The following KLHL36 variants were observed in gnomAD, a reference collection of about 807,000 sequenced individuals.
KLHL36 encodes kelch like family member 36.
A neutral mutation model predicts 53.3 loss-of-function variants in KLHL36; 35 were observed. That is an observed-to-expected ratio of 0.66 (90% confidence interval 0.50 to 0.87). The LOEUF is 0.87. KLHL36 is among the 40% of genes least tolerant of loss of function. The pLI, the probability that KLHL36 is intolerant of heterozygous loss-of-function variation, is 0.00. For missense variants in KLHL36, 864 were observed against 897.6 expected (o/e 0.96, Z 0.48); for synonymous variants, 472 against 398.9 (o/e 1.18, Z -2.18).
intron 2 of KLHL36, among the ~76,000 whole-genome samples, chr16:84,654,800 G>A (rs1428528903): frequency 2.6e-5 from 4 of 152,068 alleles, no homozygotes; most frequent in Non-Finnish European, 1.5e-5. Context: ...ACTAGAGACG[G>A]GGTTTCACCA....
chr16:84,653,840 CAAAAA>C (rs67608719), intron 2 of KLHL36, among the ~76,000 whole-genome samples: 7 of 111,800 alleles, frequency 6.3e-5, no homozygotes, highest in Admixed American at 9.4e-5. Context: ...GCTCTGTATC[CAAAAA>C]AAAAAAAAAA....
In KLHL36 at chr16:84,662,002, A is replaced by G. The variant is rs1360137580; in HGVS notation, c.1720A>G (p.Lys574Glu). 1.9e-6 allele frequency: 3 copies of G among 1,594,098 alleles called. No homozygotes were observed. In the Admixed American group the frequency reaches 5.4e-5, roughly 29 times the overall value. ...GCAGGTGTACGACCGCGAGGCCGAC[A>G]AGTGGAGCAGGGGCGTCGACCTGCC... ...TVQVYDREAD[K>E]WSRGVDLPKA... is the part of the protein sequence containing the mutation. The change falls in exon 5 of 5, where the codon AAG (lysine) becomes GAG (glutamate). Residue 574 changes from lysine (K) to glutamate (E), a missense_variant. Lys to Glu is a moderately conservative substitution (Grantham distance 56). Transcript: ENST00000564996.
Position 84,667,531 on chromosome 16 carries a change from AAC to A in KLHL36, c.*5402_*5403del, listed in dbSNP as rs1041777229. On this transcript the variant is annotated 3_prime_UTR_variant, in exon 5 of 5. Coordinates refer to ENST00000564996, the MANE Select transcript of KLHL36 (RefSeq NM_024731.4). ...TCCATACAGAGTATTCAATTCTTGA[AAC>A]ACATTAAAATAATTTGCTTGCTAGG... 6.6e-6 allele frequency: 1 copy of A among 152,184 alleles called. No individual in the cohort carries two copies. The highest frequency in any genetic ancestry group is 2.4e-5 in the African/African-American group (1 of 41,436). The allele number at this position is 152,184 out of a possible 1,614,324, so 9.4% of individuals were successfully genotyped here. A position where few individuals can be genotyped will look rare whatever the true frequency, so the allele number is the denominator to read the frequency against.
intron 3 of KLHL36, 135 bp downstream of exon 3, chr16:84,658,079 G>C (rs1478670140): frequency 1.4e-6 from 1 of 712,566 alleles, no homozygotes. Context: ...ATAAAGTGAC[G>C]AGCAGAATAC....
Position 84,648,580 on chromosome 16 carries a change from C to G in KLHL36, c.-86C>G, listed in dbSNP as rs1360425857. 2 of 147,452 alleles carry G rather than the reference C, an allele frequency of 1.4e-5. No individual in the cohort carries two copies. The highest frequency in any genetic ancestry group is 4.9e-5 in the African/African-American group (2 of 40,822). The allele number at this position is 147,452 out of a possible 1,614,324, so 9.1% of individuals were successfully genotyped here. The stretch of plus-strand genomic sequence containing the variant: ...TGGCCGGGGGTCTCCTGAACCCGGG[C>G]CCCGCCGCCCCGACCGCCCGGCCCC... On this transcript the variant is annotated 5_prime_UTR_variant, in exon 1 of 5. Coordinates refer to ENST00000564996, the MANE Select transcript of KLHL36 (RefSeq NM_024731.4). This position sits in a 1 kb window ranked among gnomAD's most constrained non-coding sequence, Gnocchi z 4.9.
Position 84,661,626 on chromosome 16 carries a change from C to T in KLHL36, c.1344C>T (p.Ile448=), listed in dbSNP as rs759159933. Reference sequence around the variant, plus strand: ...CCATCTACAAAGACTTCGTGTACATCTCGGGGGGCCACGACTACCAAATTG... The same window carrying T: ...CCATCTACAAAGACTTCGTGTACATTTCGGGGGGCCACGACTACCAAATTG... ...AGTIYKDFVY[I]SGGHDYQIGP... is the part of the protein sequence containing the mutation. Residue 448 remains isoleucine, a synonymous_variant, in exon 5 of 5, where the codon ATC becomes ATT. Coordinates refer to ENST00000564996, the MANE Select transcript of KLHL36 (RefSeq NM_024731.4). The surrounding 1 kb of genome is among the most constrained non-coding windows in gnomAD (Gnocchi z 7.9). 1.9e-6 allele frequency: 3 copies of T among 1,611,930 alleles called. No individual in the cohort carries two copies. The highest frequency in any genetic ancestry group is 2.5e-6 in the Non-Finnish European group (3 of 1,179,178).
chr16:84,664,849 C>T lies in KLHL36; in HGVS notation c.*2716C>T, dbSNP rs1907753574. ...ACCATGCCTGGGCAACATGGCAAAA[C>T]CCCATCTCTACAAAAAAATTACAAA... On this transcript the variant is annotated 3_prime_UTR_variant, in exon 5 of 5. Transcript: ENST00000564996. 1 of 152,170 alleles carries T rather than the reference C, an allele frequency of 6.6e-6. No homozygotes were observed. The highest frequency in any genetic ancestry group is 1.5e-5 in the Non-Finnish European group (1 of 68,046). The allele number at this position is 152,170 out of a possible 1,614,324, so 9.4% of individuals were successfully genotyped here. A position where few individuals can be genotyped will look rare whatever the true frequency, so the allele number is the denominator to read the frequency against.
At position 84,656,988 on chromosome 16, in the gene KLHL36, C is replaced by T. The variant is rs1297825479; in HGVS notation, c.181C>T (p.Arg61Cys). ...CGATGAGCAGCGTGTGCCAGCCCAT[C>T]GCAACCTGCTGGCCGTGTGCAGCGA... ...VADEQRVPAH[R>C]NLLAVCSDYF... The change falls in exon 3 of 5, where the codon CGC becomes TGC. Residue 61 changes from arginine to cysteine, a missense_variant. By Grantham distance (180) the Arg-to-Cys change is radical. Transcript: ENST00000564996. 1.9e-6 allele frequency: 3 copies of T among 1,614,084 alleles called. No homozygotes were observed. The highest frequency in any genetic ancestry group is 2.2e-5 in the East Asian group (1 of 44,882).
At position 84,657,742 on chromosome 16, in the gene KLHL36, G is replaced by A; in HGVS notation, c.935G>A (p.Ser312Asn). 1 of 1,612,352 alleles carries A rather than the reference G, an allele frequency of 6.2e-7. No individual in the cohort carries two copies. Among genetic ancestry groups the A allele is most frequent in the Non-Finnish European group, 8.5e-7 (1 of 1,179,650 alleles). ...GEVSERCLEL[S>N]DDTCYLDAKS... Reference sequence around the variant, plus strand: ...GTCTCCGAGCGGTGTCTGGAGCTCAGTGACGACACCTGCTACCTGGACGCC... The same window carrying A: ...GTCTCCGAGCGGTGTCTGGAGCTCAATGACGACACCTGCTACCTGGACGCC... Residue 312 changes from serine (S) to asparagine (N), a missense_variant, in exon 3 of 5, where the codon AGT (serine) becomes AAT (asparagine). Transcript: ENST00000564996.
chr16:84,655,118 G>C (rs1907125303), intron 2 of KLHL36, among the ~76,000 whole-genome samples: 2 of 152,190 alleles, frequency 1.3e-5, no homozygotes, highest in African/African-American at 4.8e-5. Context: ...TGGAAGAGCG[G>C]GAGAGCCCGT....
intron 4 of KLHL36, among the ~76,000 whole-genome samples, chr16:84,660,408 G>A (rs1907478183): frequency 1.3e-5 from 2 of 152,262 alleles, no homozygotes; most frequent in South Asian, 4.1e-4. Context: ...TGCAGGGAGT[G>A]CCCCAGGGTG....
In KLHL36 at chr16:84,665,132, A is replaced by T. The variant is rs1443241268; in HGVS notation, c.*2999A>T. 6.6e-6 allele frequency: 1 copy of T among 152,226 alleles called. No homozygotes were observed. The highest frequency in any genetic ancestry group is 1.5e-5 in the Non-Finnish European group (1 of 68,042). 9.4% of individuals were successfully genotyped at this position (152,226 alleles called of 1,614,324 possible). A position where few individuals can be genotyped will look rare whatever the true frequency, so the allele number is the denominator to read the frequency against. ...GAATGTGGGGTTTTAAACTAGAGTG[A>T]TGAAGGCACAGGTGCTTGCAGGCTG... On this transcript the variant is annotated 3_prime_UTR_variant, in exon 5 of 5. Transcript: ENST00000564996.
chr16:84,652,781 G>A (rs903391792), intron 2 of KLHL36, among the ~76,000 whole-genome samples: 1 of 152,234 alleles, frequency 6.6e-6, no homozygotes, highest in African/African-American at 2.4e-5. Context: ...GTACTCTTGT[G>A]TGTGGTTTCT....
At chr16:84,650,490 G>A (rs1906797656) in intron 1 of KLHL36, among the ~76,000 whole-genome samples, 1 of 152,086 alleles carries the variant, frequency 6.6e-6, no homozygotes, top group African/African-American at 2.4e-5. Context: ...GGGGTTAAAT[G>A]AGATGGCACA....
In KLHL36 at chr16:84,661,993, G is replaced by A. The variant is rs760371300; in HGVS notation, c.1711G>A (p.Glu571Lys). ...FSKTVQVYDR[E>K]ADKWSRGVDL... The stretch of plus-strand genomic sequence containing the variant: ...CAAGACCGTGCAGGTGTACGACCGC[G>A]AGGCCGACAAGTGGAGCAGGGGCGT... Residue 571 changes from glutamate (E) to lysine (K), a missense_variant, in exon 5 of 5, where the codon GAG (glutamate) becomes AAG (lysine). Coordinates refer to ENST00000564996, the MANE Select transcript of KLHL36 (RefSeq NM_024731.4). This position sits in a 1 kb window ranked among gnomAD's most constrained non-coding sequence, Gnocchi z 7.9. 158 of 1,594,742 alleles carry A rather than the reference G, an allele frequency of 9.9e-5. No individual in the cohort carries two copies. The highest frequency in any genetic ancestry group is 1.3e-4 in the Non-Finnish European group (155 of 1,172,234).
intron 2 of KLHL36, 67 bp downstream of exon 2, chr16:84,650,997 T>C: frequency 7.7e-7 from 1 of 1,291,630 alleles, no homozygotes; most frequent in Non-Finnish European, 1.1e-6. Flanking sequence ...TCTGATTCAC[T>C]CATTTCTAAT....
chr16:84,660,720 C>G (rs539849275), intron 4 of KLHL36, among the ~76,000 whole-genome samples: 4 of 152,192 alleles, frequency 2.6e-5, no homozygotes, highest in Admixed American at 6.5e-5. Context: ...CTCCTGAACT[C>G]AAGCAGTTCT....
Position 84,661,990 on chromosome 16 carries a change from C to G in KLHL36, c.1708C>G (p.Arg570Gly), listed in dbSNP as rs764020392. The change falls in exon 5 of 5, where the codon CGC (arginine) becomes GGC (glycine). Residue 570 changes from arginine (R) to glycine (G), a missense_variant. Coordinates refer to ENST00000564996, the MANE Select transcript of KLHL36 (RefSeq NM_024731.4). This position sits in a 1 kb window ranked among gnomAD's most constrained non-coding sequence, Gnocchi z 7.9. Reference protein sequence around the residue: ...AFSKTVQVYDREADKWSRGVD... With the variant: ...AFSKTVQVYDGEADKWSRGVD... ...CTCCAAGACCGTGCAGGTGTACGAC[C>G]GCGAGGCCGACAAGTGGAGCAGGGG... 4 of 1,595,034 alleles carry G rather than the reference C, an allele frequency of 2.5e-6. No individual in the cohort carries two copies. In the African/African-American group the frequency reaches 5.3e-5, roughly 21 times the overall value.
At chr16:84,651,284 G>C (rs1296988581) in intron 2 of KLHL36, among the ~76,000 whole-genome samples, 2 of 152,130 alleles carry the variant, frequency 1.3e-5, no homozygotes, top group African/African-American at 4.8e-5. Flanking sequence ...TCCAAGGACA[G>C]GTCCATTGAG....
Sources: allele counts gnomAD v4.1 joint callset (sites outside exome capture counted in the v4.1 genomes callset), GRCh38; gene constraint gnomAD v4.1.1; non-coding constraint Gnocchi (gnomAD v3.1); transcripts MANE v1.5; gene names NCBI Gene and HGNC (gene_info 2026-07-23, HGNC 2026-07-21).